The following GPR139 variants were observed in gnomAD, a reference collection of about 807,000 sequenced individuals.
The protein encoded by GPR139 is probable G protein-coupled receptor 139.
A neutral mutation model predicts 25.8 loss-of-function variants in GPR139; 12 were observed. That is an observed-to-expected ratio of 0.47 (90% CI 0.30 to 0.75). The LOEUF is 0.75. Among genes scored for constraint, GPR139 ranks in the 30% least tolerant of loss-of-function variants. The probability of loss-of-function intolerance (pLI) is 0.07; values close to 1 mark genes in which losing one functional copy is unlikely to be tolerated. For synonymous variants in GPR139, 184 were observed against 179.9 expected (o/e 1.02, Z -0.18); for missense variants, 380 against 450.2 (o/e 0.84, Z 1.41).
At chr16:20,069,452 T>A (rs765005371) in intron 1 of GPR139, among the ~76,000 whole-genome samples, 1 of 152,322 alleles carries the variant, frequency 6.6e-6, no homozygotes, top group Non-Finnish European at 1.5e-5. Flanking sequence ...AGCTGACAGA[T>A]CACCAGTTTT....
chr16:20,049,186 A>G (rs934782858), intron 1 of GPR139, among the ~76,000 whole-genome samples: 4 of 152,184 alleles, frequency 2.6e-5, no homozygotes, highest in African/African-American at 9.7e-5. Context: ...TATGCACTCC[A>G]TCAATGTTTG....
intron 1 of GPR139, among the ~76,000 whole-genome samples, chr16:20,048,317 C>G (rs1234699787): frequency 2.0e-5 from 3 of 152,124 alleles, no homozygotes; most frequent in African/African-American, 7.2e-5. Context: ...GAATCTTCCA[C>G]ATAAATCCAA....
At chr16:20,034,704 C>T (rs759651695) in intron 1 of GPR139, among the ~76,000 whole-genome samples, 49 of 152,240 alleles carry the variant, frequency 3.2e-4, no homozygotes, top group Non-Finnish European at 4.4e-4. Flanking sequence ...TGTGCCCAGC[C>T]TTTTGCTTTC....
chr16:20,053,700 T>C (rs969420724), intron 1 of GPR139, among the ~76,000 whole-genome samples: 10 of 152,192 alleles, frequency 6.6e-5, no homozygotes, highest in Non-Finnish European at 1.3e-4. Flanking sequence ...TTACGAGATA[T>C]TTCAGAGGTA....
chr16:20,031,144 T>C lies in GPR139; in HGVS notation c.*591A>G, dbSNP rs998374589. ...TTTCCTGAAGAAGCTCTGGCCACAGTTTGGATGGGATCCAATACTCTTCTA... is the reference window on the plus strand; with the variant it reads ...TTTCCTGAAGAAGCTCTGGCCACAGCTTGGATGGGATCCAATACTCTTCTA... On this transcript the variant is annotated 3_prime_UTR_variant, in exon 2 of 2. Coordinates refer to ENST00000570682, the MANE Select transcript of GPR139 (RefSeq NM_001002911.4). Among the ~76,000 whole-genome samples, 1 of 152,114 alleles carries C rather than the reference T, an allele frequency of 6.6e-6. No individual in the cohort carries two copies. The highest frequency in any genetic ancestry group is 1.5e-5 in the Non-Finnish European group (1 of 68,020).
chr16:20,071,886 C>G (rs1371025968), intron 1 of GPR139, among the ~76,000 whole-genome samples: 1 of 152,062 alleles, frequency 6.6e-6, no homozygotes, highest in African/African-American at 2.4e-5. Context: ...GAGTGGCTAT[C>G]TCACTCAGTA....
At chr16:20,050,762 A>T (rs2057368965) in intron 1 of GPR139, among the ~76,000 whole-genome samples, 1 of 152,192 alleles carries the variant, frequency 6.6e-6, no homozygotes, top group Non-Finnish European at 1.5e-5. Flanking sequence ...GGGTTTTACT[A>T]ACAAGAAACT....
intron 1 of GPR139, chr16:20,070,939 T>C (rs1414790802): frequency 1.0e-6 from 1 of 985,368 alleles, no homozygotes; most frequent in African/African-American, 1.7e-5. Flanking sequence ...TGCTTTCTTC[T>C]GTGTATCTCA....
At chr16:20,062,255 T>A (rs1292720189) in intron 1 of GPR139, among the ~76,000 whole-genome samples, 1 of 152,136 alleles carries the variant, frequency 6.6e-6, no homozygotes, top group African/African-American at 2.4e-5. Flanking sequence ...GAAATGGGGT[T>A]TTTGGGAATT....
In GPR139 at chr16:20,031,837, G is replaced by T; in HGVS notation, c.960C>A (p.Ser320=). Residue 320 remains serine (S), a synonymous_variant, in exon 2 of 2, where the codon TCC becomes TCA. Transcript: ENST00000570682. ...PVQFYTNHNF[S]ITSSPWISPA... ...GCGAGATCCAGGGGCTACTTGTTAT[G>T]GAAAAGTTATGATTGGTGTAGAACT... The T allele has an allele frequency of 6.2e-7, 1 of 1,614,220 alleles. No individual in the cohort carries two copies. Among genetic ancestry groups the T allele is most frequent in the Middle Eastern group, 1.6e-4 (1 of 6,062 alleles).
chr16:20,071,076 C>G, intron 1 of GPR139: 1 of 824,838 alleles, frequency 1.2e-6, no homozygotes, highest in Non-Finnish European at 1.5e-6. Context: ...CCAAGGCGAG[C>G]ATTTCGCTAG....
intron 1 of GPR139, chr16:20,070,995 C>A: frequency 1.0e-6 from 1 of 985,492 alleles, no homozygotes; most frequent in Non-Finnish European, 1.2e-6. Context: ...AGACCGCCCT[C>A]CTTACAACTT....
In GPR139 at chr16:20,032,314, G is replaced by T; in HGVS notation, c.483C>A (p.Ile161=). Residue 161 remains isoleucine, a synonymous_variant, in exon 2 of 2, where the codon ATC becomes ATA. Transcript: ENST00000570682. ...SVYITCFLTS[I]PYYWWPNIWT... is the part of the protein sequence containing the mutation. ...AGATGTTGGGCCACCAGTAATAGGG[G>T]ATGCTGGTCAGGAAGCAGGTGATGT... is the stretch of plus-strand genomic sequence containing the variant. 6.2e-7 allele frequency: 1 copy of T among 1,614,216 alleles called. No homozygotes were observed. Among genetic ancestry groups the T allele is most frequent in the Non-Finnish European group, 8.5e-7 (1 of 1,180,028 alleles).
chr16:20,071,015 CATG>C (rs1204654715), intron 1 of GPR139: 3 of 985,300 alleles, frequency 3.0e-6, no homozygotes, highest in Non-Finnish European at 3.6e-6. Context: ...TGATCGGCTT[CATG>C]ATATCTATGA....
chr16:20,065,187 CAA>C (rs2057427229), intron 1 of GPR139, among the ~76,000 whole-genome samples: 1 of 152,158 alleles, frequency 6.6e-6, no homozygotes, highest in Non-Finnish European at 1.5e-5. Context: ...GTTTGGCTCA[CAA>C]AGTGCTGGCT....
chr16:20,062,216 A>G (rs1443000505), intron 1 of GPR139, among the ~76,000 whole-genome samples: 1 of 152,198 alleles, frequency 6.6e-6, no homozygotes, highest in Non-Finnish European at 1.5e-5. Flanking sequence ...TGTATTTTGA[A>G]GTCCTAACCC....
intron 1 of GPR139, among the ~76,000 whole-genome samples, chr16:20,062,306 G>A (rs568652170): frequency 6.6e-6 from 1 of 152,224 alleles, no homozygotes; most frequent in Non-Finnish European, 1.5e-5. Flanking sequence ...TGGAATTAGC[G>A]ACTTTATAAA....
chr16:20,038,166 C>T (rs1398700567), intron 1 of GPR139, among the ~76,000 whole-genome samples: 1 of 151,940 alleles, frequency 6.6e-6, no homozygotes, highest in Non-Finnish European at 1.5e-5. Flanking sequence ...TCAGCCACAA[C>T]CTCTTTTTCC....
At chr16:20,047,116 T>TTG (rs202224477) in intron 1 of GPR139, among the ~76,000 whole-genome samples, 12,391 of 151,162 alleles carry the variant, frequency 0.082, 592 homozygotes, top group Non-Finnish European at 0.11. Context: ...GGGATTTTTT[T>TTG]TTTGTTTTTT....
Sources: gnomAD v4.1 joint callset for allele counts (sites outside exome capture counted in the v4.1 genomes callset) on GRCh38, gnomAD v4.1.1 for gene constraint, MANE v1.5 for transcripts, NCBI Gene and HGNC (gene_info 2026-07-23, HGNC 2026-07-21) for gene names.